The following ZPBP variants were observed in gnomAD, a reference collection of about 807,000 sequenced individuals.
The protein encoded by ZPBP is zona pellucida binding protein, also known as zona pellucida-binding protein 1.
ZPBP carries 26 observed loss-of-function variants against 44.8 expected under a neutral mutation model. That is an observed-to-expected ratio of 0.58 (90% CI 0.43 to 0.81). ZPBP has a LOEUF of 0.81. Ranked by LOEUF, ZPBP falls within the 30% of genes least tolerant of loss-of-function variation. The probability of loss-of-function intolerance (pLI) is 0.00; values close to 1 mark genes in which losing one functional copy is unlikely to be tolerated. For missense variants in ZPBP, 409 were observed against 434.0 expected, an observed-to-expected ratio of 0.94 and a Z score of 0.51; for synonymous variants, 174 against 153.2, an observed-to-expected ratio of 1.14 and a Z score of -1.00.
At chr7:50,063,605 T>C (rs1237957978) in intron 3 of ZPBP, among the ~76,000 whole-genome samples, 1 of 152,190 alleles carries the variant, frequency 6.6e-6, no homozygotes, top group Non-Finnish European at 1.5e-5. Context: ...AACCATTTTT[T>C]TTTTTAAACA....
chr7:49,946,591 G>A lies in ZPBP; in HGVS notation c.962-8969C>T, dbSNP rs539971895. 5.4e-4 allele frequency among the ~76,000 whole-genome samples: 82 copies of A among 152,106 alleles called. 1 individual carries two copies. The South Asian group carries it at 0.017, about 31-fold the overall frequency. On this transcript the variant is annotated intron_variant, in intron 7 of 7. Coordinates refer to ENST00000046087, the MANE Select transcript of ZPBP (RefSeq NM_007009.3). ...CAAATGTACTGGAGCTCCATTGTATGTTGTTTCTTTTCTTTTGCTGCTTTT... is the reference window on the plus strand; with the variant it reads ...CAAATGTACTGGAGCTCCATTGTATATTGTTTCTTTTCTTTTGCTGCTTTT...
rs202231065 is a variant in ZPBP at position 50,093,145 on chromosome 7, C to T, written c.50G>A (p.Arg17Gln). The T allele has an allele frequency of 1.9e-6, 3 of 1,544,964 alleles. No homozygotes were observed. Among genetic ancestry groups the T allele is most frequent in the East Asian group, 2.5e-5 (1 of 40,582 alleles). Residue 17 changes from arginine (R) to glutamine (Q), a missense_variant, in exon 1 of 8, where the codon CGG becomes CAG. Around this residue, in one of 2 missense-constraint regions of ZPBP, gnomAD observed 367 missense variants for 363.1 expected, o/e 1.01. Coordinates refer to ENST00000046087, the MANE Select transcript of ZPBP (RefSeq NM_007009.3). ...CCGAGAGAGCAGGGAGCCGGCGGCC[C>T]GGGTCCGCCGCCTGCCCCGCCGCGC... The part of the protein sequence containing the change: ...GPARRGRRRT[R>Q]AAGSLLSRAA...
At chr7:49,959,277 A>AC (rs1795745112) in intron 7 of ZPBP, among the ~76,000 whole-genome samples, 1 of 150,304 alleles carries the variant, frequency 6.7e-6, no homozygotes, top group Non-Finnish European at 1.5e-5. Flanking sequence ...AAAAAAAAAA[A>AC]GGCACAAACA....
chr7:49,938,114 C>T (rs1404741426), intron 7 of ZPBP, among the ~76,000 whole-genome samples: 1 of 152,114 alleles, frequency 6.6e-6, no homozygotes, highest in Non-Finnish European at 1.5e-5. Flanking sequence ...TGTTCCCTGG[C>T]CTGGGGGTTG....
At chr7:50,060,046 G>T (rs1046091731) in intron 3 of ZPBP, among the ~76,000 whole-genome samples, 3 of 152,176 alleles carry the variant, frequency 2.0e-5, no homozygotes, top group African/African-American at 2.4e-5. Flanking sequence ...CCGTCACAGG[G>T]TACACAAGCA....
chr7:50,078,998 G>A (rs1422416184), intron 3 of ZPBP, among the ~76,000 whole-genome samples: 3 of 151,312 alleles, frequency 2.0e-5, no homozygotes, highest in Non-Finnish European at 4.4e-5. Context: ...AAAAAAGAGA[G>A]AGAAGACACA....
At chr7:49,877,470 A>ATAAAAAAT (rs1791463170) in intron 2 of ZPBP, among the ~76,000 whole-genome samples, 1 of 39,846 alleles carries the variant, frequency 2.5e-5, no homozygotes, top group Non-Finnish European at 4.4e-5. Context: ...CTCAAAAAAA[A>ATAAAAAAT]AAAAAAAAAA....
At chr7:49,866,619 C>G (rs1790903637) in intron 2 of ZPBP, among the ~76,000 whole-genome samples, 1 of 152,218 alleles carries the variant, frequency 6.6e-6, no homozygotes, top group African/African-American at 2.4e-5. Context: ...GGATGAAATG[C>G]AACATCCTGT....
chr7:49,925,251 T>A, intron 1 of ZPBP, among the ~76,000 whole-genome samples: 1 of 152,210 alleles, frequency 6.6e-6, no homozygotes, highest in Non-Finnish European at 1.5e-5. Flanking sequence ...AGATATAGTA[T>A]GCACACACAC....
At chr7:49,974,588 A>C (rs1583950050) in intron 7 of ZPBP, among the ~76,000 whole-genome samples, 1 of 152,288 alleles carries the variant, frequency 6.6e-6, no homozygotes, top group South Asian at 2.1e-4. Context: ...AAGTTGGAAG[A>C]GAATATAACT....
At chr7:50,005,823 A>ATGTGTGTGTGTGTGTG (rs71018444) in intron 6 of ZPBP, among the ~76,000 whole-genome samples, 21 of 144,810 alleles carry the variant, frequency 1.5e-4, no homozygotes, top group African/African-American at 5.2e-4. Context: ...ATAACTATAT[A>ATGTGTGTGTGTGTGTG]TGTGTGTGTG....
chr7:50,013,900 G>T (rs1432687876), intron 6 of ZPBP, among the ~76,000 whole-genome samples: 1 of 151,862 alleles, frequency 6.6e-6, no homozygotes, highest in Non-Finnish European at 1.5e-5. Context: ...GCTATATATG[G>T]CAGTGGCATT....
intron 7 of ZPBP, among the ~76,000 whole-genome samples, chr7:49,949,830 A>G (rs1421017994): frequency 6.6e-6 from 1 of 152,004 alleles, no homozygotes; most frequent in African/African-American, 2.4e-5. Flanking sequence ...AAAGTGATAT[A>G]TACACATTCA....
intron 4 of ZPBP, among the ~76,000 whole-genome samples, chr7:50,034,503 T>G (rs1352661487): frequency 2.0e-5 from 3 of 152,320 alleles, no homozygotes; most frequent in Admixed American, 1.3e-4. Flanking sequence ...TGAGTCAAAA[T>G]CTAAAATATT....
chr7:49,937,687 C>T (rs951159537), intron 7 of ZPBP, 65 bp from the exon 8 acceptor site: 4 of 1,308,122 alleles, frequency 3.1e-6, no homozygotes, highest in Non-Finnish European at 4.4e-6. Context: ...AATTTCCAAT[C>T]TCAATTCTTT....
chr7:49,904,626 C>G (rs1357985579), intron 1 of ZPBP, among the ~76,000 whole-genome samples: 1 of 151,892 alleles, frequency 6.6e-6, no homozygotes, highest in East Asian at 1.9e-4. Flanking sequence ...TATAACTTAC[C>G]ACTTTTACAT....
intron 7 of ZPBP, among the ~76,000 whole-genome samples, chr7:49,973,310 A>G (rs766933390): frequency 2.0e-5 from 3 of 151,718 alleles, no homozygotes; most frequent in Non-Finnish European, 4.4e-5. Context: ...TGGATATGGT[A>G]ACAAAACCAT....
chr7:50,027,282 C>G (rs1050358352), intron 5 of ZPBP, among the ~76,000 whole-genome samples: 1 of 151,692 alleles, frequency 6.6e-6, no homozygotes, highest in African/African-American at 2.4e-5. Flanking sequence ...ACTTCTATGA[C>G]CACAAAAGAA....
At chr7:50,027,252 C>G (rs1799381643) in intron 5 of ZPBP, among the ~76,000 whole-genome samples, 1 of 151,936 alleles carries the variant, frequency 6.6e-6, no homozygotes, top group Admixed American at 6.6e-5. Context: ...TTTAGCCATC[C>G]TGGTGGTCAT....
Sources: gnomAD v4.1 joint callset for allele counts (sites outside exome capture counted in the v4.1 genomes callset) on GRCh38, gnomAD v4.1.1 for gene constraint, gnomAD v4.1.1 regional missense constraint, MANE v1.5 for transcripts, NCBI Gene and HGNC (gene_info 2026-07-23, HGNC 2026-07-21) for gene names.